Variants in ROR1 observed in about 807,000 individuals in gnomAD.
The protein encoded by ROR1 is ROR family WNT receptor 1.
ROR1 carries 19 observed loss-of-function variants against 78.8 expected under a neutral mutation model. The observed-to-expected ratio is 0.24, with a 90% CI of 0.17 to 0.35. The LOEUF is 0.35. Among genes scored for constraint, ROR1 ranks in the 10% least tolerant of loss-of-function variants. The pLI is 1.00. For synonymous variants in ROR1, 386 were observed against 433.6 expected (o/e 0.89, Z 1.36); for missense variants, 917 against 1,177.8 (o/e 0.78, Z 3.24).
chr1:64,152,787 G>C (rs924478355), intron 7 of ROR1, among the ~76,000 whole-genome samples: 3 of 152,096 alleles, frequency 2.0e-5, no homozygotes, highest in African/African-American at 7.2e-5. Context: ...TTTCAAGTTT[G>C]ATAAACATAT....
intron 4 of ROR1, among the ~76,000 whole-genome samples, chr1:64,052,160 C>T (rs1557628410): frequency 6.6e-6 from 1 of 151,302 alleles, no homozygotes; most frequent in African/African-American, 2.4e-5. Context: ...GGTCACTCTG[C>T]CTTGCATTTC....
intron 7 of ROR1, among the ~76,000 whole-genome samples, chr1:64,156,394 C>A (rs1239881183): frequency 6.6e-6 from 1 of 152,162 alleles, no homozygotes; most frequent in Non-Finnish European, 1.5e-5. Context: ...ACGACGGCCT[C>A]CAGTGATGCC....
chr1:63,956,262 G>A (rs1445054552), intron 1 of ROR1, among the ~76,000 whole-genome samples: 1 of 152,186 alleles, frequency 6.6e-6, no homozygotes, highest in Non-Finnish European at 1.5e-5. Flanking sequence ...CGCTCTAGCT[G>A]GGTGGCTGGT....
At chr1:64,077,284 A>C (rs1647058174) in intron 4 of ROR1, among the ~76,000 whole-genome samples, 1 of 152,234 alleles carries the variant, frequency 6.6e-6, no homozygotes, top group African/African-American at 2.4e-5. Flanking sequence ...TGATCACTCC[A>C]TTGGATACTT....
At chr1:64,152,507 G>T (rs949923719) in intron 7 of ROR1, among the ~76,000 whole-genome samples, 5 of 152,148 alleles carry the variant, frequency 3.3e-5, no homozygotes, top group Non-Finnish European at 5.9e-5. Context: ...TCATGCTGTT[G>T]CTGGGTTCAT....
intron 4 of ROR1, among the ~76,000 whole-genome samples, chr1:64,126,554 CAT>C (rs1414599532): frequency 2.6e-5 from 4 of 152,040 alleles, no homozygotes; most frequent in Admixed American, 2.0e-4. Context: ...TTGGAAAGAA[CAT>C]ATTATACAGT....
chr1:63,853,750 A>T (rs946875930), intron 1 of ROR1, among the ~76,000 whole-genome samples: 1 of 152,228 alleles, frequency 6.6e-6, no homozygotes, highest in African/African-American at 2.4e-5. Context: ...AAAGTTTCCA[A>T]ATATGAGGTT....
At position 63,960,254 on chromosome 1, in the gene ROR1, G is replaced by A. The variant is rs188505708; in HGVS notation, c.92-49051G>A. On this transcript the variant is annotated intron_variant, in intron 1 of 8. Transcript: ENST00000371079. ...GAGAGAATAAAAGAATTTTCCCTCT[G>A]GTGGGGAGATCTTTTGGGAACGGGA... Among the ~76,000 whole-genome samples, 210 of 152,320 alleles carry A rather than the reference G, an allele frequency of 1.4e-3. 3 individuals carry two copies. Among genetic ancestry groups the A allele is most frequent in the African/African-American group, 4.8e-3 (201 of 41,582 alleles).
At chr1:63,846,118 A>AATG (rs1645079097) in intron 1 of ROR1, among the ~76,000 whole-genome samples, 1 of 136,320 alleles carries the variant, frequency 7.3e-6, no homozygotes, top group African/African-American at 2.7e-5. Context: ...GAGAGAGAGA[A>AATG]TGTGTGTGTG....
intron 1 of ROR1, among the ~76,000 whole-genome samples, chr1:63,859,904 C>T (rs910016419): frequency 2.6e-5 from 4 of 152,186 alleles, no homozygotes; most frequent in African/African-American, 9.7e-5. Flanking sequence ...AAGTTCTTTA[C>T]TCCTGTGATT....
At chr1:63,792,907 G>T (rs1010232577) in intron 1 of ROR1, among the ~76,000 whole-genome samples, 1 of 152,196 alleles carries the variant, frequency 6.6e-6, no homozygotes, top group African/African-American at 2.4e-5. Context: ...GATAAAGTTG[G>T]TGCCGAGGAT....
At chr1:63,796,907 A>G (rs1644764908) in intron 1 of ROR1, among the ~76,000 whole-genome samples, 1 of 152,200 alleles carries the variant, frequency 6.6e-6, no homozygotes, top group East Asian at 1.9e-4. Context: ...TGAGAATCCA[A>G]CATCATCGGT....
At chr1:63,841,251 G>A (rs1466992681) in intron 1 of ROR1, among the ~76,000 whole-genome samples, 3 of 152,216 alleles carry the variant, frequency 2.0e-5, no homozygotes, top group Non-Finnish European at 4.4e-5. Context: ...ATTGCTAAAT[G>A]TGGAACTTGG....
intron 1 of ROR1, among the ~76,000 whole-genome samples, chr1:63,792,225 G>A (rs993831616): frequency 1.3e-5 from 2 of 152,124 alleles, no homozygotes; most frequent in African/African-American, 4.8e-5. Flanking sequence ...CAAAGCAAAT[G>A]CCTTGAAATG....
chr1:64,040,540 A>T (rs1234705860), intron 2 of ROR1, among the ~76,000 whole-genome samples: 1 of 152,190 alleles, frequency 6.6e-6, no homozygotes, highest in African/African-American at 2.4e-5. Context: ...ACTACCATAG[A>T]CTGGGTGGCT....
intron 1 of ROR1, among the ~76,000 whole-genome samples, chr1:63,886,477 C>T (rs946197743): frequency 7.2e-5 from 11 of 152,192 alleles, no homozygotes; most frequent in Admixed American, 5.2e-4. Flanking sequence ...GCCAGGGATC[C>T]GGGAAGGTCT....
chr1:64,010,328 T>C (rs1225271905), intron 2 of ROR1, among the ~76,000 whole-genome samples: 1 of 152,104 alleles, frequency 6.6e-6, no homozygotes, highest in East Asian at 1.9e-4. Flanking sequence ...ATCTCACCCT[T>C]AAGCTTAGAA....
Position 64,137,504 on chromosome 1 carries a change from G to A in ROR1, c.610+8G>A. 6.2e-7 allele frequency: 1 copy of A among 1,607,902 alleles called. No homozygotes were observed. Among genetic ancestry groups the A allele is most frequent in the African/African-American group, 1.3e-5 (1 of 74,730 alleles). On this transcript the variant is annotated splice_region_variant and intron_variant, in intron 5 of 8. Transcript: ENST00000371079. ...TAGAAAATCAGATCACAGGTAGGTAGCACCAATGAAATTATATTTGTCCCT... is the reference window on the plus strand; with the variant it reads ...TAGAAAATCAGATCACAGGTAGGTAACACCAATGAAATTATATTTGTCCCT...
chr1:63,912,826 A>G (rs1028137378), intron 1 of ROR1, among the ~76,000 whole-genome samples: 6 of 152,154 alleles, frequency 3.9e-5, no homozygotes, highest in Non-Finnish European at 7.4e-5. Context: ...AGGGCAGAGG[A>G]GGAGAAATCT....
Sources: allele counts gnomAD v4.1 joint callset (sites outside exome capture counted in the v4.1 genomes callset), GRCh38; gene constraint gnomAD v4.1.1; transcripts MANE v1.5; gene names NCBI Gene and HGNC (gene_info 2026-07-23, HGNC 2026-07-21).